The following RALGAPB variants were observed in gnomAD, a reference collection of about 807,000 sequenced individuals.
RALGAPB encodes the protein Ral GTPase activating protein non-catalytic subunit beta, also known as ral GTPase-activating protein subunit beta.
Under a neutral mutation model 161.1 loss-of-function variants are expected in RALGAPB, and 25 were observed. That is an observed-to-expected ratio of 0.16 (90% CI 0.11 to 0.22). The LOEUF is 0.22. Ranked by LOEUF, RALGAPB falls within the 10% of genes least tolerant of loss-of-function variation. The probability of loss-of-function intolerance (pLI) is 1.00; values close to 1 mark genes in which losing one functional copy is unlikely to be tolerated. For synonymous variants in RALGAPB, 629 were observed against 626.1 expected, an observed-to-expected ratio of 1.00 and a Z score of -0.07; for missense variants, 1,391 against 1,815.2, an observed-to-expected ratio of 0.77 and a Z score of 4.25.
chr20:38,480,516 A>G (rs2084935949), intron 1 of RALGAPB, among the ~76,000 whole-genome samples: 1 of 149,774 alleles, frequency 6.7e-6, no homozygotes, highest in African/African-American at 2.5e-5. Context: ...CCTCCTGAGT[A>G]GCTGGGATTA....
At chr20:38,526,343 TTCCTGCTCTCCTTCC>T (rs997250436) in intron 13 of RALGAPB, among the ~76,000 whole-genome samples, 16 of 152,078 alleles carry the variant, frequency 1.1e-4, no homozygotes, top group Non-Finnish European at 2.2e-4. Context: ...TCCTCCTTTC[TTCCTGCTCTCCTTCC>T]TCCTGCCTCT....
chr20:38,516,080 CTT>C, intron 6 of RALGAPB, 110 bp from the exon 7 acceptor site: 3 of 801,730 alleles, frequency 3.7e-6, no homozygotes, highest in Non-Finnish European at 5.5e-6. Flanking sequence ...AAATCAGTCT[CTT>C]TTCTGAATCA....
chr20:38,570,688 G>T (rs2088198178), intron 27 of RALGAPB, 81 bp from the exon 28 acceptor site: 1 of 870,768 alleles, frequency 1.1e-6, no homozygotes. Flanking sequence ...CTTATGTAAA[G>T]CGATTAGAAA....
intron 10 of RALGAPB, among the ~76,000 whole-genome samples, chr20:38,524,022 G>A (rs979050865): frequency 6.6e-6 from 1 of 152,216 alleles, no homozygotes; most frequent in Non-Finnish European, 1.5e-5. Flanking sequence ...GCAGTAACCA[G>A]TAGGTGATGA....
intron 2 of RALGAPB, among the ~76,000 whole-genome samples, chr20:38,489,956 T>C (rs924457300): frequency 2.0e-5 from 3 of 152,062 alleles, no homozygotes; most frequent in Admixed American, 6.5e-5. Flanking sequence ...CCCTTTTTTT[T>C]CTCCTTTCTC....
At chr20:38,487,304 C>T (rs1020596163) in intron 1 of RALGAPB, among the ~76,000 whole-genome samples, 2 of 150,530 alleles carry the variant, frequency 1.3e-5, no homozygotes, top group Non-Finnish European at 3.0e-5. Context: ...ATGCAATTCC[C>T]ATTAGAATTG....
intron 24 of RALGAPB, 138 bp downstream of exon 24, chr20:38,562,835 A>G (rs2087835505): frequency 1.1e-6 from 1 of 916,200 alleles, no homozygotes; most frequent in Non-Finnish European, 1.6e-6. Context: ...CCTGTCTTCA[A>G]GAAGCCAAGG....
chr20:38,551,267 A>G (rs1305795038), intron 21 of RALGAPB, 44 bp downstream of exon 21: 2 of 1,583,210 alleles, frequency 1.3e-6, no homozygotes, highest in Non-Finnish European at 1.7e-6. Flanking sequence ...ATGAATAGAA[A>G]CATTCTTACG....
intron 10 of RALGAPB, 54 bp downstream of exon 10, chr20:38,521,752 T>TGG: frequency 6.3e-7 from 1 of 1,583,654 alleles, no homozygotes. Flanking sequence ...AGTGAAGCCA[T>TGG]TGTTGGTTGG....
chr20:38,572,071 C>T (rs1049238891), intron 28 of RALGAPB, among the ~76,000 whole-genome samples: 35 of 152,004 alleles, frequency 2.3e-4, no homozygotes, highest in Admixed American at 2.2e-3. Flanking sequence ...TAATAAAGAC[C>T]GTAATAGTAG....
chr20:38,480,321 CTTT>C (rs11476061), intron 1 of RALGAPB, among the ~76,000 whole-genome samples: 15 of 138,948 alleles, frequency 1.1e-4, no homozygotes, highest in Admixed American at 1.4e-4. Flanking sequence ...GTTTCTAGTG[CTTT>C]TTTTTTTTTT....
intron 1 of RALGAPB, among the ~76,000 whole-genome samples, chr20:38,485,796 G>C (rs1373953665): frequency 6.6e-6 from 1 of 151,804 alleles, no homozygotes; most frequent in African/African-American, 2.4e-5. Flanking sequence ...TTCCATGTTT[G>C]TTTCTAATGT....
chr20:38,509,455 C>T (rs893574602), intron 6 of RALGAPB, among the ~76,000 whole-genome samples: 13 of 152,190 alleles, frequency 8.5e-5, no homozygotes, highest in Non-Finnish European at 1.3e-4. Context: ...TGGTAGATGC[C>T]GCACTTGTTC....
At chr20:38,552,907 G>A (rs2087428159) in intron 21 of RALGAPB, among the ~76,000 whole-genome samples, 2 of 152,270 alleles carry the variant, frequency 1.3e-5, no homozygotes, top group South Asian at 4.1e-4. Flanking sequence ...GTGGAAATTT[G>A]GAAGGAGGTT....
chr20:38,559,286 A>C (rs984561749), intron 23 of RALGAPB, among the ~76,000 whole-genome samples: 10 of 152,252 alleles, frequency 6.6e-5, no homozygotes, highest in Non-Finnish European at 1.2e-4. Flanking sequence ...GAAGTGAGTA[A>C]CAGTTTCCTT....
chr20:38,491,329 T>G (rs1319460280), intron 2 of RALGAPB, among the ~76,000 whole-genome samples: 1 of 150,976 alleles, frequency 6.6e-6, no homozygotes, highest in Non-Finnish European at 1.5e-5. Context: ...CATACACTGT[T>G]TTTCTTTTTT....
chr20:38,482,093 A>T (rs1323263652), intron 1 of RALGAPB, among the ~76,000 whole-genome samples: 2 of 152,154 alleles, frequency 1.3e-5, no homozygotes, highest in Non-Finnish European at 2.9e-5. Flanking sequence ...TAACATAAAC[A>T]GTCAAATAAT....
At chr20:38,517,753 G>T in intron 8 of RALGAPB, 31 bp from the exon 9 acceptor site, 1 of 1,605,132 alleles carries the variant, frequency 6.2e-7, no homozygotes, top group Non-Finnish European at 8.5e-7. Context: ...CTTTTCATTG[G>T]TATGGGTGTA....
intron 1 of RALGAPB, among the ~76,000 whole-genome samples, chr20:38,474,076 C>T (rs2084731714): frequency 6.6e-6 from 1 of 152,170 alleles, no homozygotes; most frequent in African/African-American, 2.4e-5. Context: ...GATTCTGAGT[C>T]ATCTGGAACA....
Sources: allele counts gnomAD v4.1 joint callset (sites outside exome capture counted in the v4.1 genomes callset), GRCh38; gene constraint gnomAD v4.1.1; transcripts MANE v1.5; gene names NCBI Gene and HGNC (gene_info 2026-07-23, HGNC 2026-07-21).